The following DOP1A variants were observed in gnomAD, a reference collection of about 807,000 sequenced individuals.
DOP1A encodes the protein DOP1 leucine zipper like protein A.
A neutral mutation model predicts 267.6 loss-of-function variants in DOP1A; 90 were observed. That is an observed-to-expected ratio of 0.34 (90% CI 0.28 to 0.40). The LOEUF (loss-of-function observed/expected upper bound fraction) is 0.40. DOP1A is among the 10% of genes least tolerant of loss of function. The probability of loss-of-function intolerance (pLI) is 1.00; values close to 1 mark genes in which losing one functional copy is unlikely to be tolerated. For missense variants in DOP1A, 2,437 were observed against 2,900.4 expected (o/e 0.84, Z 3.67); for synonymous variants, 932 against 999.1 (o/e 0.93, Z 1.27).
At chr6:83,074,250 A>G (rs887897813) in intron 1 of DOP1A, among the ~76,000 whole-genome samples, 2 of 152,180 alleles carry the variant, frequency 1.3e-5, no homozygotes, top group African/African-American at 4.8e-5. Context: ...GGAGGGGGGT[A>G]TGATTCTGAG....
At chr6:83,108,823 AAG>A in intron 4 of DOP1A, 85 bp from the exon 5 acceptor site, 1 of 1,290,498 alleles carries the variant, frequency 7.7e-7, no homozygotes, top group Non-Finnish European at 1.0e-6. Context: ...TTTCATCAGA[AAG>A]AAATATTTAT....
rs778395782 is a variant in DOP1A, at chr6:83,137,303, G to A, written c.3261G>A (p.Glu1087=). Residue 1087 remains glutamate, a synonymous_variant, in exon 21 of 39, where the codon GAG becomes GAA. Transcript: ENST00000349129. ...DRLSLLSTSS[E]TIPMVVSDFD... ...TTTCCCTCCTAAGTACCAGCAGTGA[G>A]ACAATTCCAATGGTTGTGTCTGATT... 32 of 1,613,658 alleles carry A rather than the reference G, an allele frequency of 2.0e-5. No homozygotes were observed. Among genetic ancestry groups the A allele is most frequent in the Non-Finnish European group, 2.6e-5 (31 of 1,179,790 alleles).
chr6:83,114,180 ATTATT>A (rs996572725), intron 7 of DOP1A, among the ~76,000 whole-genome samples: 15 of 143,748 alleles, frequency 1.0e-4, no homozygotes, highest in African/African-American at 2.3e-4. Context: ...TTTTTTATTC[ATTATT>A]TTATTAACAT....
chr6:83,152,861 G>A (rs1562372359), intron 30 of DOP1A, among the ~76,000 whole-genome samples: 1 of 151,884 alleles, frequency 6.6e-6, no homozygotes, highest in East Asian at 1.9e-4. Flanking sequence ...CAGGTAATCC[G>A]CCCACCTCGG....
chr6:83,151,838 G>A lies in DOP1A; in HGVS notation c.5905-45G>A, dbSNP rs760128935. 1.4e-5 allele frequency: 22 copies of A among 1,573,460 alleles called. No individual in the cohort carries two copies. The East Asian group carries it at 4.9e-4, about 35-fold the overall frequency. On this transcript the variant is annotated intron_variant, in intron 28 of 38. Coordinates refer to ENST00000349129, the MANE Select transcript of DOP1A (RefSeq NM_015018.4). ...TAAACTACAGAAGTTCATAACTAGT[G>A]TGCATGTGTGTACCATACATAGTTG...
In DOP1A at chr6:83,156,025, A is replaced by G. The variant is rs1433795995; in HGVS notation, c.6526A>G (p.Met2176Val). ...TGATGTGGAGCTAGAACAGAGAGCT[A>G]TGCTTCTTAAAAGATTAGCATTTGC... ...NRDVELEQRA[M>V]LLKRLAFAIF... Residue 2176 changes from methionine to valine, a missense_variant, in exon 34 of 39, where the codon ATG becomes GTG. Physicochemically the swap from Met to Val is conservative, Grantham distance 21 (BLOSUM62 1). Around this residue, in one of 9 missense-constraint regions of DOP1A, gnomAD observed 75 missense variants for 149.6 expected, o/e 0.50. Transcript: ENST00000349129. 1.9e-6 allele frequency: 3 copies of G among 1,614,118 alleles called. No homozygotes were observed. The highest frequency in any genetic ancestry group is 2.5e-6 in the Non-Finnish European group (3 of 1,179,958).
At chr6:83,069,314 G>A (rs942863121) in intron 1 of DOP1A, among the ~76,000 whole-genome samples, 17 of 152,192 alleles carry the variant, frequency 1.1e-4, no homozygotes, top group African/African-American at 4.1e-4. Flanking sequence ...AGCACACTAG[G>A]TTAAACTAGG....
At chr6:83,152,211 T>TACAC (rs3830924) in intron 29 of DOP1A, 77 bp from the exon 30 acceptor site, 41 of 698,710 alleles carry the variant, frequency 5.9e-5, no homozygotes, top group Middle Eastern at 3.6e-4. Flanking sequence ...ATAAAAATAA[T>TACAC]ACACACACAC....
At chr6:83,109,280 G>A (rs191533419) in intron 5 of DOP1A, among the ~76,000 whole-genome samples, 200 bp downstream of exon 5, 22 of 152,304 alleles carry the variant, frequency 1.4e-4, no homozygotes, top group East Asian at 7.7e-4. Context: ...AGTGATAAAA[G>A]CATAGACTTC....
chr6:83,072,461 A>C (rs1785783802), intron 1 of DOP1A, among the ~76,000 whole-genome samples: 1 of 152,160 alleles, frequency 6.6e-6, no homozygotes, highest in South Asian at 2.1e-4. Context: ...TGTTAATATA[A>C]GGTTCTGGGA....
intron 28 of DOP1A, 86 bp downstream of exon 28, chr6:83,151,745 T>C (rs1781723556): frequency 6.8e-7 from 1 of 1,476,338 alleles, no homozygotes; most frequent in Non-Finnish European, 9.2e-7. Flanking sequence ...TAAACTGAAG[T>C]TTCTTTCAAC....
intron 25 of DOP1A, among the ~76,000 whole-genome samples, chr6:83,146,772 T>G (rs1780708482): frequency 6.6e-6 from 1 of 152,230 alleles, no homozygotes; most frequent in South Asian, 2.1e-4. Flanking sequence ...AACACTATCT[T>G]TAATTTAGTG....
At chr6:83,166,254 G>A (rs181589261) in intron 38 of DOP1A, 3 of 522,280 alleles carry the variant, frequency 5.7e-6, no homozygotes, top group Non-Finnish European at 1.0e-5. Flanking sequence ...TGAGTTCTTG[G>A]GCAGCTCTCT....
rs182627386 is a variant in DOP1A, at chr6:83,092,435, A to G, written c.-146-4296A>G. On this transcript the variant is annotated intron_variant, in intron 1 of 38. Transcript: ENST00000349129. ...AATTAATTTGATGTGCAAGGTTAAG[A>G]TTATTTTGATTCACATATTTAAGTT... Among the ~76,000 whole-genome samples the G allele has an allele frequency of 3.9e-3, 594 of 152,172 alleles. 2 individuals carry two copies. The highest frequency in any genetic ancestry group is 0.014 in the African/African-American group (564 of 41,518).
chr6:83,156,142 A>G, intron 34 of DOP1A, 39 bp downstream of exon 34: 1 of 1,549,502 alleles, frequency 6.5e-7, no homozygotes, highest in South Asian at 1.2e-5. Context: ...CTCTAACTAC[A>G]GGTTTTTGGT....
chr6:83,116,029 C>T (rs1262192187), intron 7 of DOP1A, among the ~76,000 whole-genome samples: 2 of 152,080 alleles, frequency 1.3e-5, no homozygotes, highest in African/African-American at 4.8e-5. Context: ...AAATCTTTTG[C>T]TTGTATTGGT....
chr6:83,105,430 T>G (rs1432239761), intron 4 of DOP1A, among the ~76,000 whole-genome samples: 1 of 127,244 alleles, frequency 7.9e-6, no homozygotes. Context: ...AGTGGCACAA[T>G]CTTGGCCCAC....
In DOP1A at chr6:83,168,460, ATT is replaced by A; in HGVS notation, c.*302_*303del. 6 of 962,126 alleles carry A rather than the reference ATT, an allele frequency of 6.2e-6. No homozygotes were observed. The highest frequency in any genetic ancestry group is 1.5e-4 in the East Asian group (2 of 13,230). 59.6% of individuals were successfully genotyped at this position (962,126 alleles called of 1,614,324 possible). On this transcript the variant is annotated 3_prime_UTR_variant, in exon 39 of 39. Coordinates refer to ENST00000349129, the MANE Select transcript of DOP1A (RefSeq NM_015018.4). ...TAAACCTGCAAAATATACACTACCC[ATT>A]TTTTTTTTCCATTGGTTTCAGACTT...
rs181936212 is a variant in DOP1A at position 83,072,791 on chromosome 6, G to A, written c.-147+5012G>A. ...CTTTAGAATATGTGTTATTTTTATC[G>A]AATATTCTACATAGCTAGAATTTTT... On this transcript the variant is annotated intron_variant, in intron 1 of 38. Coordinates refer to ENST00000349129, the MANE Select transcript of DOP1A (RefSeq NM_015018.4). 9.2e-5 allele frequency among the ~76,000 whole-genome samples: 14 copies of A among 152,172 alleles called. 1 individual carries two copies. The highest frequency in any genetic ancestry group is 2.9e-4 in the African/African-American group (12 of 41,512).
Sources: gnomAD v4.1 joint callset for allele counts (sites outside exome capture counted in the v4.1 genomes callset) on GRCh38, gnomAD v4.1.1 for gene constraint, gnomAD v4.1.1 regional missense constraint, MANE v1.5 for transcripts, NCBI Gene and HGNC (gene_info 2026-07-23, HGNC 2026-07-21) for gene names.